ELP4: variants seen among roughly 807,000 people sequenced by gnomAD.
The protein encoded by ELP4 is elongator complex protein 4.
ELP4 carries 51 observed loss-of-function variants against 48.9 expected under a neutral mutation model. The ratio of observed to expected loss-of-function variants is 1.04; its 90% CI spans 0.83 to 1.32. The LOEUF is 1.32. ELP4 is among the 40% of genes most tolerant of loss of function. ELP4 has a pLI of 0.00. For missense variants in ELP4, 519 were observed against 514.6 expected (o/e 1.01, Z -0.08); for synonymous variants, 210 against 189.2 (o/e 1.11, Z -0.90).
chr11:31,787,519 C>G lies in ELP4; in HGVS notation c.*3995C>G, dbSNP rs1010675568. ...CTGTGGCATGCACTCCCACATAGCC[C>G]TTCTCTGACAGTTCCCTCAGCACAC... On this transcript the variant is annotated 3_prime_UTR_variant, in exon 10 of 10. Transcript: ENST00000640961. 4.3e-6 allele frequency: 1 copy of G among 232,906 alleles called. No homozygotes were observed. The allele number at this position is 232,906 out of a possible 1,614,324, so 14.4% of individuals were successfully genotyped here. A position where few individuals can be genotyped will look rare whatever the true frequency, so the allele number is the denominator to read the frequency against.
intron 9 of ELP4, among the ~76,000 whole-genome samples, chr11:31,709,311 AG>A (rs1336242941): frequency 3.3e-5 from 5 of 152,180 alleles, no homozygotes; most frequent in Admixed American, 1.3e-4. Flanking sequence ...TTTCAATCCA[AG>A]GGTCTGTGTT....
chr11:31,706,144 A>G (rs533769383), intron 9 of ELP4, among the ~76,000 whole-genome samples: 7 of 152,284 alleles, frequency 4.6e-5, no homozygotes, highest in Non-Finnish European at 8.8e-5. Context: ...TAATAATTGT[A>G]CATATTCATA....
chr11:31,572,096 T>C, intron 3 of ELP4, among the ~76,000 whole-genome samples: 1 of 152,226 alleles, frequency 6.6e-6, no homozygotes, highest in East Asian at 1.9e-4. Context: ...AGACAATATC[T>C]TCTTCCAATA....
chr11:31,616,187 G>C (rs1223138864), intron 5 of ELP4, among the ~76,000 whole-genome samples: 1 of 151,966 alleles, frequency 6.6e-6, no homozygotes, highest in Non-Finnish European at 1.5e-5. Flanking sequence ...ATGTTACATA[G>C]CTACAGTAAT....
intron 2 of ELP4, among the ~76,000 whole-genome samples, chr11:31,535,844 T>A (rs959590727): frequency 6.6e-6 from 1 of 152,194 alleles, no homozygotes. Flanking sequence ...AGTTTTGCCA[T>A]ATGTGCTTTT....
chr11:31,735,314 T>G lies in ELP4; in HGVS notation c.1144-48079T>G, dbSNP rs1036978284. Among the ~76,000 whole-genome samples the G allele has an allele frequency of 2.0e-5, 3 of 152,044 alleles. No individual in the cohort carries two copies. The East Asian group carries it at 5.8e-4, about 29-fold the overall frequency. On this transcript the variant is annotated intron_variant, in intron 9 of 9. Transcript: ENST00000640961. Reference sequence around the variant, plus strand: ...ATATAAGAGAAAAGCTGTATGACATTGATCTTGGATATGACGTGAAAAGCA... The same window carrying G: ...ATATAAGAGAAAAGCTGTATGACATGGATCTTGGATATGACGTGAAAAGCA...
chr11:31,641,628 T>C (rs1472382643), intron 7 of ELP4, among the ~76,000 whole-genome samples: 2 of 151,828 alleles, frequency 1.3e-5, no homozygotes, highest in Non-Finnish European at 2.9e-5. Flanking sequence ...AAGCTAGTCA[T>C]TTGTTCAAAA....
At chr11:31,695,434 G>C (rs1291243186) in intron 9 of ELP4, among the ~76,000 whole-genome samples, 12 of 151,914 alleles carry the variant, frequency 7.9e-5, no homozygotes, top group African/African-American at 2.9e-4. Flanking sequence ...TTTTGTCTTT[G>C]GTTCTGTTTA....
At position 31,714,516 on chromosome 11, in the gene ELP4, A is replaced by G. The variant is rs1268323479; in HGVS notation, c.1143+64295A>G. The stretch of plus-strand genomic sequence containing the variant: ...TTTAAAACCATATTTGTTTTTACAC[A>G]ATTCCAAATTTGTGGAATTTACATG... On this transcript the variant is annotated intron_variant, in intron 9 of 9. Transcript: ENST00000640961. 27 of 397,050 alleles carry G rather than the reference A, an allele frequency of 6.8e-5. No homozygotes were observed. The Admixed American group carries it at 1.1e-3, about 17-fold the overall frequency. The allele number at this position is 397,050 out of a possible 1,614,324, so 24.6% of individuals were successfully genotyped here. A position where few individuals can be genotyped will look rare whatever the true frequency, so the allele number is the denominator to read the frequency against.
chr11:31,563,148 G>T (rs1280848916), intron 3 of ELP4, among the ~76,000 whole-genome samples: 1 of 152,142 alleles, frequency 6.6e-6, no homozygotes, highest in Non-Finnish European at 1.5e-5. Flanking sequence ...AGGATCAAAA[G>T]ATTTTATTTT....
intron 5 of ELP4, among the ~76,000 whole-genome samples, chr11:31,619,659 T>TA (rs1944573927): frequency 7.3e-6 from 1 of 137,824 alleles, no homozygotes. Flanking sequence ...CTCTGTTTTT[T>TA]ATTGTTTTTT....
chr11:31,709,882 AATT>A (rs1315736304), intron 9 of ELP4, among the ~76,000 whole-genome samples: 10 of 152,194 alleles, frequency 6.6e-5, no homozygotes, highest in Admixed American at 6.5e-4. Flanking sequence ...TTAAATTATT[AATT>A]ATTACTATGT....
chr11:31,542,912 G>C (rs1490384940), intron 3 of ELP4, among the ~76,000 whole-genome samples: 1 of 152,124 alleles, frequency 6.6e-6, no homozygotes. Context: ...CAGTAAGCTA[G>C]AAGGAAGATT....
At chr11:31,594,586 A>G (rs1957641658) in intron 3 of ELP4, among the ~76,000 whole-genome samples, 184 bp from the exon 4 acceptor site, 1 of 152,102 alleles carries the variant, frequency 6.6e-6, no homozygotes, top group Non-Finnish European at 1.5e-5. Context: ...TTAAACTTAA[A>G]TGTTTGTATT....
At chr11:31,736,626 A>G (rs535733331) in intron 9 of ELP4, among the ~76,000 whole-genome samples, 1 of 152,354 alleles carries the variant, frequency 6.6e-6, no homozygotes, top group Non-Finnish European at 1.5e-5. Context: ...AAACAAATTT[A>G]CAAGAAAAAA....
At chr11:31,719,452 T>C (rs1399098990) in intron 9 of ELP4, 6 of 398,046 alleles carry the variant, frequency 1.5e-5, no homozygotes, top group South Asian at 1.3e-4. Flanking sequence ...ATTCTAATAA[T>C]GAAATTTCTC....
intron 5 of ELP4, among the ~76,000 whole-genome samples, chr11:31,612,015 A>G (rs1302762199): frequency 6.6e-6 from 1 of 152,154 alleles, no homozygotes; most frequent in Admixed American, 6.5e-5. Flanking sequence ...AGATGTGCTA[A>G]TAAAGGAAGG....
intron 9 of ELP4, among the ~76,000 whole-genome samples, chr11:31,712,171 A>G (rs558147035): frequency 6.6e-6 from 1 of 152,154 alleles, no homozygotes; most frequent in South Asian, 2.1e-4. Context: ...TAATTTCACT[A>G]ACTATGGCAA....
At chr11:31,537,970 G>C (rs908522869) in intron 2 of ELP4, among the ~76,000 whole-genome samples, 2 of 152,194 alleles carry the variant, frequency 1.3e-5, no homozygotes, top group East Asian at 1.9e-4. Flanking sequence ...TTGAAGATTT[G>C]AGTCTTCTAT....
Sources: allele counts gnomAD v4.1 joint callset (sites outside exome capture counted in the v4.1 genomes callset), GRCh38; gene constraint gnomAD v4.1.1; transcripts MANE v1.5; gene names NCBI Gene and HGNC (gene_info 2026-07-23, HGNC 2026-07-21).